OSGIN1: variants seen among roughly 807,000 people sequenced by gnomAD.
OSGIN1 encodes the protein oxidative stress induced growth inhibitor 1.
OSGIN1 carries 19 observed loss-of-function variants against 20.1 expected under a neutral mutation model. The ratio of observed to expected loss-of-function variants is 0.95; its 90% confidence interval spans 0.66 to 1.39. The LOEUF is 1.39. Ranked by LOEUF, OSGIN1 falls within the 40% of genes most tolerant of loss-of-function variation. The pLI is 0.00. For missense variants in OSGIN1, 820 were observed against 653.0 expected (o/e 1.26, Z -2.79); for synonymous variants, 368 against 297.8 (o/e 1.24, Z -2.43).
chr16:83,964,049 A>C (rs2084247007), intron 5 of OSGIN1, among the ~76,000 whole-genome samples: 1 of 151,524 alleles, frequency 6.6e-6, no homozygotes, highest in Admixed American at 6.6e-5. Context: ...CAAGCCTGTA[A>C]TCCCAGCACT....
rs559676847 is a variant in OSGIN1, at chr16:83,962,432, G to A, written c.488+1360G>A. On this transcript the variant is annotated intron_variant, in intron 5 of 5. Transcript: ENST00000393306. ...TATTTTTTGTATTTTTAGTAGAGAC[G>A]GGGTTTCACCGTGTTAGCCAGGATG... is the stretch of plus-strand genomic sequence containing the variant. 3.2e-4 allele frequency among the ~76,000 whole-genome samples: 49 copies of A among 152,218 alleles called. No individual in the cohort carries two copies. The East Asian group carries it at 8.7e-3, about 27-fold the overall frequency.
At chr16:83,959,764 G>A (rs1011485856) in intron 3 of OSGIN1, among the ~76,000 whole-genome samples, 3 of 152,170 alleles carry the variant, frequency 2.0e-5, no homozygotes, top group Non-Finnish European at 2.9e-5. Context: ...ACAGGACAAC[G>A]AGGGTGGTGA....
chr16:83,961,826 A>G (rs995285025), intron 5 of OSGIN1, among the ~76,000 whole-genome samples: 6 of 152,034 alleles, frequency 3.9e-5, no homozygotes, highest in Non-Finnish European at 8.8e-5. Flanking sequence ...CTGGCCCCTG[A>G]GCCCCACGCC....
rs755750217 is a variant in OSGIN1, at chr16:83,957,638, A to T, written c.-32-2A>T. Reference sequence around the variant, plus strand: ...TCTTCCTTCCCCTCTCCCCCACTCCAGGTCCGCTGCCAGCCCCAAGCCCCC... The same window carrying T: ...TCTTCCTTCCCCTCTCCCCCACTCCTGGTCCGCTGCCAGCCCCAAGCCCCC... On this transcript the variant is annotated splice_acceptor_variant, in intron 1 of 5. Coordinates refer to ENST00000393306, the MANE Select transcript of OSGIN1 (RefSeq NM_182981.3). LOFTEE classifies it low-confidence loss of function (5UTR_SPLICE). 1 of 1,520,356 alleles carries T rather than the reference A, an allele frequency of 6.6e-7. No homozygotes were observed. The highest frequency in any genetic ancestry group is 9.0e-7 in the Non-Finnish European group (1 of 1,108,340). The allele number at this position is 1,520,356 out of a possible 1,614,324, so 94.2% of individuals were successfully genotyped here.
intron 1 of OSGIN1, among the ~76,000 whole-genome samples, chr16:83,955,622 T>A (rs1354093063): frequency 6.6e-6 from 1 of 152,222 alleles, no homozygotes; most frequent in Non-Finnish European, 1.5e-5. Flanking sequence ...TATTAAGTGT[T>A]GAGATCATGC....
chr16:83,965,003 A>AACC, intron 5 of OSGIN1, 59 bp from the exon 6 acceptor site: 5 of 494,364 alleles, frequency 1.0e-5, no homozygotes, highest in Non-Finnish European at 1.5e-5. Flanking sequence ...CTCCCGTCCC[A>AACC]CCCAGCCCCC....
intron 1 of OSGIN1, 133 bp from the exon 2 acceptor site, chr16:83,957,507 G>C (rs1273389534): frequency 3.2e-6 from 2 of 616,430 alleles, no homozygotes; most frequent in Non-Finnish European, 6.0e-6. Flanking sequence ...AGTCCCGTCA[G>C]ATATGTCTCA....
intron 2 of OSGIN1, 56 bp downstream of exon 2, chr16:83,957,794 C>A: frequency 1.0e-6 from 1 of 997,048 alleles, no homozygotes; most frequent in Non-Finnish European, 1.5e-6. Context: ...GGGTACCCCC[C>A]AGGTCTGAGG....
intron 2 of OSGIN1, 79 bp from the exon 3 acceptor site, chr16:83,959,181 C>T: frequency 2.0e-6 from 2 of 981,440 alleles, no homozygotes; most frequent in Non-Finnish European, 3.2e-6. Flanking sequence ...GAATGCGCCG[C>T]ATCTAGATCA....
In OSGIN1 at chr16:83,960,723, T is replaced by C. The variant is rs1286741383; in HGVS notation, c.359T>C (p.Val120Ala). The change falls in exon 4 of 6, where the codon GTG becomes GCG. Residue 120 changes from valine (V) to alanine (A), a missense_variant. Coordinates refer to ENST00000393306, the MANE Select transcript of OSGIN1 (RefSeq NM_182981.3). ...CGGAAGGAGCACGCCATCCCCCACG[T>C]GGTTCTGGGCCGGAACCTCCCCGGG... ...KHRKEHAIPH[V>A]VLGRNLPGGA... 3.1e-6 allele frequency: 5 copies of C among 1,613,398 alleles called. No individual in the cohort carries two copies. The highest frequency in any genetic ancestry group is 4.2e-6 in the Non-Finnish European group (5 of 1,180,012).
chr16:83,964,276 C>G (rs535814021), intron 5 of OSGIN1, among the ~76,000 whole-genome samples: 240 of 152,032 alleles, frequency 1.6e-3, no homozygotes, highest in Non-Finnish European at 3.0e-3. Flanking sequence ...GGCACTCCAG[C>G]CTGGGCAGCA....
chr16:83,959,768 G>C (rs1367603998), intron 3 of OSGIN1, among the ~76,000 whole-genome samples: 1 of 152,182 alleles, frequency 6.6e-6, no homozygotes, highest in Non-Finnish European at 1.5e-5. Flanking sequence ...GACAACGAGG[G>C]TGGTGAGACT....
At position 83,962,178 on chromosome 16, in the gene OSGIN1, A is replaced by G. The variant is rs111238795; in HGVS notation, c.488+1106A>G. Among the ~76,000 whole-genome samples the G allele has an allele frequency of 5.0e-3, 759 of 152,164 alleles. 5 individuals carry two copies. The highest frequency in any genetic ancestry group is 6.5e-3 in the Non-Finnish European group (445 of 67,996). ...TGCCCCATCATGGCCACCCTAGAGA[A>G]AAGGTTTGTGAACCCTGAATATTTG... On this transcript the variant is annotated intron_variant, in intron 5 of 5. Transcript: ENST00000393306.
In OSGIN1 at chr16:83,960,608, C is replaced by G. The variant is rs1203036727; in HGVS notation, c.244C>G (p.Gln82Glu). Residue 82 changes from glutamine to glutamate, a missense_variant, in exon 4 of 6, where the codon CAA (glutamine) becomes GAA (glutamate). Gln to Glu is a conservative substitution (Grantham distance 29). Transcript: ENST00000393306. ...YLSEGLEGRS[Q>E]SPVALLFDAL... is the part of the protein sequence containing the mutation. ...GTCCGAAGGCCTCGAAGGCCGATCC[C>G]AAAGCCCCGTGGCCCTGCTCTTTGA... is the stretch of plus-strand genomic sequence containing the variant. The G allele has an allele frequency of 6.2e-7, 1 of 1,613,486 alleles. No individual in the cohort carries two copies. The highest frequency in any genetic ancestry group is 1.1e-5 in the South Asian group (1 of 91,082).
Position 83,962,389 on chromosome 16 carries a change from C to T in OSGIN1, c.488+1317C>T, listed in dbSNP as rs961069977. 2.6e-5 allele frequency among the ~76,000 whole-genome samples: 4 copies of T among 152,188 alleles called. No individual in the cohort carries two copies. In the East Asian group the frequency reaches 5.8e-4, roughly 22 times the overall value. On this transcript the variant is annotated intron_variant, in intron 5 of 5. Transcript: ENST00000393306. Reference sequence around the variant, plus strand: ...GAGTAGCTGGGACTACAGGTGCCCACCACCACACCCGGCTAATTATTTTTT... The same window carrying T: ...GAGTAGCTGGGACTACAGGTGCCCATCACCACACCCGGCTAATTATTTTTT...
rs776196238 is a variant in OSGIN1, at chr16:83,965,369, C to T, written c.796C>T (p.His266Tyr). The change falls in exon 6 of 6, where the codon CAC becomes TAC. Residue 266 changes from histidine to tyrosine, a missense_variant. His to Tyr is a moderately conservative substitution (Grantham distance 83). Coordinates refer to ENST00000393306, the MANE Select transcript of OSGIN1 (RefSeq NM_182981.3). The stretch of plus-strand genomic sequence containing the variant: ...CCCCGGGGAGGCCCTGCCCTTCATC[C>T]ACCATGAGCTGTCTGCCCTGGAGGC... ...GIPGEALPFI[H>Y]HELSALEAAT... The T allele has an allele frequency of 1.3e-6, 2 of 1,570,944 alleles. No individual in the cohort carries two copies. Among genetic ancestry groups the T allele is most frequent in the South Asian group, 2.4e-5 (2 of 85,104 alleles).
intron 1 of OSGIN1, 124 bp from the exon 2 acceptor site, chr16:83,957,516 C>A: frequency 1.6e-6 from 1 of 638,066 alleles, no homozygotes; most frequent in South Asian, 1.7e-5. Context: ...AGATATGTCT[C>A]ATGGGGACCC....
intron 1 of OSGIN1, among the ~76,000 whole-genome samples, 165 bp downstream of exon 1, chr16:83,953,535 T>G (rs1908789095): frequency 1.3e-5 from 2 of 152,142 alleles, no homozygotes; most frequent in Admixed American, 1.3e-4. Context: ...CCCGGCAGGA[T>G]TCTCCCCTAC....
chr16:83,957,806 C>T (rs1909011092), intron 2 of OSGIN1, 68 bp downstream of exon 2: 1 of 817,440 alleles, frequency 1.2e-6, no homozygotes, highest in African/African-American at 1.8e-5. Flanking sequence ...GGTCTGAGGG[C>T]AGGAGCTGGG....
Sources: gnomAD v4.1 joint callset for allele counts (sites outside exome capture counted in the v4.1 genomes callset) on GRCh38, gnomAD v4.1.1 for gene constraint, MANE v1.5 for transcripts, NCBI Gene and HGNC (gene_info 2026-07-23, HGNC 2026-07-21) for gene names.